The following KCNMA1 variants were observed in gnomAD, a reference collection of about 807,000 sequenced individuals.
KCNMA1 encodes the protein potassium calcium-activated channel subfamily M alpha 1.
Under a neutral mutation model 140.0 loss-of-function variants are expected in KCNMA1, and 29 were observed. That is an observed-to-expected ratio of 0.21 (90% CI 0.15 to 0.28). KCNMA1 has a LOEUF of 0.28. Ranked by LOEUF, KCNMA1 falls within the 10% of genes least tolerant of loss-of-function variation. KCNMA1 has a pLI of 1.00. For missense variants in KCNMA1, 880 were observed against 1,602.2 expected (o/e 0.55, Z 7.70); for synonymous variants, 612 against 611.9 (o/e 1.00, Z 0.00).
intron 2 of KCNMA1, among the ~76,000 whole-genome samples, chr10:77,297,033 C>T (rs2075345214): frequency 6.6e-6 from 1 of 152,106 alleles, no homozygotes; most frequent in African/African-American, 2.4e-5. Flanking sequence ...CCCAAGACAT[C>T]CAACAGGGTG....
Position 77,108,532 on chromosome 10 carries a change from A to G in KCNMA1, c.1172T>C (p.Ile391Thr). Reference protein sequence around the residue: ...ASYVPEIIELIGNRKKYGGSY... With the variant: ...ASYVPEIIELTGNRKKYGGSY... ...GCCCCCGTATTTCTTGCGGTTTCCT[A>G]TTAACTCTATGATTTCAGGGACGTA... Residue 391 changes from isoleucine (I) to threonine (T), a missense_variant, in exon 9 of 28, where the codon ATA becomes ACA. This residue lies in a region of KCNMA1 where 198 missense variants were observed against 580.1 expected (regional missense o/e 0.34). Transcript: ENST00000286628. The surrounding 1 kb of genome is among the most constrained non-coding windows in gnomAD (Gnocchi z 4.6). 6.2e-7 allele frequency: 1 copy of G among 1,613,924 alleles called. No homozygotes were observed. Among genetic ancestry groups the G allele is most frequent in the Non-Finnish European group, 8.5e-7 (1 of 1,179,978 alleles).
At chr10:76,912,590 G>C (rs1907714) in intron 24 of KCNMA1, 62,736 of 152,048 alleles carry the variant, frequency 0.41, 13,928 homozygotes, top group Middle Eastern at 0.5. Context: ...AAGAAATCTG[G>C]TGTGGGACAA....
intron 19 of KCNMA1, among the ~76,000 whole-genome samples, chr10:76,976,373 G>C (rs1455701975): frequency 6.6e-6 from 1 of 152,198 alleles, no homozygotes; most frequent in Non-Finnish European, 1.5e-5. Flanking sequence ...AACCTGAATT[G>C]TGTAAGTTTG....
At chr10:77,324,969 C>CTGTG (rs1210515124) in intron 2 of KCNMA1, among the ~76,000 whole-genome samples, 261 of 95,122 alleles carry the variant, frequency 2.7e-3, no homozygotes, top group East Asian at 7.3e-3. Context: ...CTCTCTCTCT[C>CTGTG]TCTGTGTGTG....
chr10:76,872,532 C>T (rs2031549626), downstream of KCNMA1: 2 of 152,182 alleles, frequency 1.3e-5, no homozygotes, highest in African/African-American at 2.4e-5. Flanking sequence ...TTAGACTGTA[C>T]TTTGTAGCCC....
chr10:77,127,190 A>G (rs1432289047), intron 5 of KCNMA1, among the ~76,000 whole-genome samples: 2 of 151,846 alleles, frequency 1.3e-5, no homozygotes, highest in African/African-American at 2.4e-5. Flanking sequence ...ACATTAATCT[A>G]TTATTATTGA....
intron 23 of KCNMA1, among the ~76,000 whole-genome samples, chr10:76,917,367 T>A (rs2053402012): frequency 6.6e-6 from 1 of 152,128 alleles, no homozygotes; most frequent in Non-Finnish European, 1.5e-5. Context: ...GAAATGCAGG[T>A]CACACGGTAT....
At chr10:77,624,376 T>C (rs1454035858) in intron 1 of KCNMA1, among the ~76,000 whole-genome samples, 1 of 152,148 alleles carries the variant, frequency 6.6e-6, no homozygotes, top group East Asian at 1.9e-4. Flanking sequence ...TTAGAAGTAA[T>C]AGTAGAGTCA....
At chr10:77,629,081 T>C (rs1037843700) in intron 1 of KCNMA1, among the ~76,000 whole-genome samples, 1 of 152,248 alleles carries the variant, frequency 6.6e-6, no homozygotes, top group Non-Finnish European at 1.5e-5. Flanking sequence ...GTATTAGTCA[T>C]ACAGGTAACA....
chr10:77,442,537 T>G (rs1224559422), intron 1 of KCNMA1, among the ~76,000 whole-genome samples: 1 of 152,094 alleles, frequency 6.6e-6, no homozygotes, highest in African/African-American at 2.4e-5. Flanking sequence ...GGCAAGAGGT[T>G]TCATTGCTCA....
chr10:76,872,466 A>C (rs2151371054), downstream of KCNMA1: 1 of 151,960 alleles, frequency 6.6e-6, no homozygotes, highest in Non-Finnish European at 1.5e-5. Flanking sequence ...TTTGCTTAAA[A>C]CTCTGAGTGG....
At chr10:77,616,277 T>G (rs1487430282) in intron 1 of KCNMA1, among the ~76,000 whole-genome samples, 2 of 152,014 alleles carry the variant, frequency 1.3e-5, no homozygotes, top group African/African-American at 4.8e-5. Flanking sequence ...TGGACTAGAG[T>G]GGAGACTTAC....
chr10:77,204,035 G>A (rs548473306), intron 3 of KCNMA1, among the ~76,000 whole-genome samples: 2 of 151,274 alleles, frequency 1.3e-5, no homozygotes, highest in East Asian at 3.9e-4. Context: ...GGTGGAAGTT[G>A]CAGCAAGCCA....
intron 18 of KCNMA1, among the ~76,000 whole-genome samples, chr10:77,003,487 C>A (rs2087219506): frequency 6.6e-6 from 1 of 152,178 alleles, no homozygotes; most frequent in Admixed American, 6.5e-5. Flanking sequence ...CCGGATCTGG[C>A]ATACAATCTG....
At position 76,897,414 on chromosome 10, in the gene KCNMA1, A is replaced by G. The variant is rs139160303; in HGVS notation, c.3148-5695T>C. 3.9e-5 allele frequency among the ~76,000 whole-genome samples: 6 copies of G among 152,122 alleles called. No homozygotes were observed. In the East Asian group the frequency reaches 1.2e-3, roughly 29 times the overall value. ...AATGCTGTAAGAAATACAAGTATAA[A>G]ATAAGGCTAGGCTGAAGCTTCTCTA... On this transcript the variant is annotated intron_variant, in intron 25 of 27. Coordinates refer to ENST00000286628, the MANE Select transcript of KCNMA1 (RefSeq NM_001161352.2).
At chr10:77,074,808 G>A (rs985375752) in intron 13 of KCNMA1, among the ~76,000 whole-genome samples, 12 of 152,194 alleles carry the variant, frequency 7.9e-5, no homozygotes, top group Non-Finnish European at 8.8e-5. Flanking sequence ...TTGAATCAGA[G>A]AGCCCTTCTA....
chr10:77,292,805 A>G (rs11002109), intron 2 of KCNMA1, among the ~76,000 whole-genome samples: 37,331 of 152,178 alleles, frequency 0.25, 5,884 homozygotes, highest in Non-Finnish European at 0.36. Context: ...AATCTGACTA[A>G]CCAGATCCCT....
chr10:76,955,176 AGGGTG>A (rs993868057), intron 20 of KCNMA1, among the ~76,000 whole-genome samples: 2 of 146,070 alleles, frequency 1.4e-5, no homozygotes, highest in African/African-American at 5.1e-5. Flanking sequence ...TCAACATCAG[AGGGTG>A]ACTTTTTTCT....
intron 2 of KCNMA1, among the ~76,000 whole-genome samples, chr10:77,324,692 G>A (rs2083363088): frequency 6.6e-6 from 1 of 152,080 alleles, no homozygotes; most frequent in Non-Finnish European, 1.5e-5. Flanking sequence ...CCCAGCTTGT[G>A]TAAGAGCTTT....
Sources: allele counts gnomAD v4.1 joint callset (sites outside exome capture counted in the v4.1 genomes callset), GRCh38; gene constraint gnomAD v4.1.1; regional missense constraint gnomAD v4.1.1; non-coding constraint Gnocchi (gnomAD v3.1); transcripts MANE v1.5; gene names NCBI Gene and HGNC (gene_info 2026-07-23, HGNC 2026-07-21).